Variants in SFXN5 observed in about 807,000 individuals in gnomAD.
The protein encoded by SFXN5 is sideroflexin 5.
In SFXN5, 43 loss-of-function variants were observed where a neutral mutation model predicts 50.2. That is an observed-to-expected ratio of 0.86 (90% CI 0.67 to 1.11). The LOEUF is 1.11. SFXN5 is among the 50% of genes least tolerant of loss of function. The probability of loss-of-function intolerance (pLI) is 0.00; values close to 1 mark genes in which losing one functional copy is unlikely to be tolerated. For missense variants in SFXN5, 463 were observed against 454.1 expected, an observed-to-expected ratio of 1.02 and a Z score of -0.18; for synonymous variants, 203 against 185.8, an observed-to-expected ratio of 1.09 and a Z score of -0.75.
intron 6 of SFXN5, among the ~76,000 whole-genome samples, chr2:73,018,356 G>A (rs918919519): frequency 1.3e-5 from 2 of 152,006 alleles, no homozygotes; most frequent in African/African-American, 2.4e-5. Context: ...AAAGACTAGC[G>A]GGGCATGTCA....
intron 6 of SFXN5, among the ~76,000 whole-genome samples, chr2:73,017,905 T>C (rs1203941419): frequency 2.0e-5 from 3 of 152,128 alleles, no homozygotes; most frequent in African/African-American, 7.2e-5. Flanking sequence ...TCAATTATTC[T>C]AGGATGGGGG....
intron 10 of SFXN5, among the ~76,000 whole-genome samples, chr2:72,981,916 G>A (rs889718926): frequency 9.9e-5 from 15 of 152,028 alleles, no homozygotes; most frequent in East Asian, 1.9e-4. Flanking sequence ...AGAGATTATC[G>A]AATGGGTTTC....
At chr2:73,044,140 C>T (rs899617744) in intron 2 of SFXN5, among the ~76,000 whole-genome samples, 2 of 152,214 alleles carry the variant, frequency 1.3e-5, no homozygotes, top group African/African-American at 4.8e-5. Context: ...GTTCCTATAA[C>T]AACCTGGCCA....
chr2:73,001,650 G>T (rs377739551), intron 6 of SFXN5, 72 bp from the exon 7 acceptor site: 6 of 1,440,628 alleles, frequency 4.2e-6, no homozygotes, highest in Non-Finnish European at 5.8e-6. Flanking sequence ...GAAAAAATAC[G>T]CTACCACAAA....
chr2:73,040,988 T>C (rs1679557937), intron 2 of SFXN5, 57 bp from the exon 3 acceptor site: 1 of 1,529,154 alleles, frequency 6.5e-7, no homozygotes, highest in Non-Finnish European at 8.9e-7. Flanking sequence ...CCCGCAAATT[T>C]TTCTTTTGTG....
chr2:73,048,648 TATCAC>T (rs1189302037), intron 2 of SFXN5, among the ~76,000 whole-genome samples: 1 of 152,250 alleles, frequency 6.6e-6, no homozygotes, highest in Non-Finnish European at 1.5e-5. Flanking sequence ...CTACTACCAG[TATCAC>T]ATCACATCAG....
intron 10 of SFXN5, among the ~76,000 whole-genome samples, chr2:72,978,285 C>CTTT (rs1190004946): frequency 1.4e-5 from 2 of 139,894 alleles, no homozygotes; most frequent in Non-Finnish European, 3.1e-5. Flanking sequence ...CTTTTTCTTT[C>CTTT]TTTTTTTTTT....
chr2:72,997,361 G>A (rs1353204521), intron 9 of SFXN5: 1 of 152,134 alleles, frequency 6.6e-6, no homozygotes, highest in East Asian at 1.9e-4. Flanking sequence ...AATGGCACTG[G>A]AAAGATGAGC....
chr2:73,040,602 C>CTG (rs1679494798), intron 3 of SFXN5, among the ~76,000 whole-genome samples: 1 of 152,250 alleles, frequency 6.6e-6, no homozygotes, highest in South Asian at 2.1e-4. Flanking sequence ...TCTCGCAAGC[C>CTG]AGTGCGGGCC....
chr2:73,051,666 AT>A (rs1329356057), intron 2 of SFXN5, among the ~76,000 whole-genome samples: 1 of 152,178 alleles, frequency 6.6e-6, no homozygotes, highest in African/African-American at 2.4e-5. Context: ...TGTAGTATCA[AT>A]TTCTGTTGTA....
At chr2:73,017,686 C>T (rs1262971855) in intron 6 of SFXN5, among the ~76,000 whole-genome samples, 4 of 152,082 alleles carry the variant, frequency 2.6e-5, no homozygotes, top group Non-Finnish European at 4.4e-5. Context: ...AAATATGAAA[C>T]GGGAGAACAA....
Position 72,961,795 on chromosome 2 carries a change from A to G in SFXN5, c.828-547T>C, listed in dbSNP as rs952309565. On this transcript the variant is annotated intron_variant, in intron 12 of 13. Coordinates refer to ENST00000272433, the MANE Select transcript of SFXN5 (RefSeq NM_144579.3). The surrounding 1 kb of genome is among the most constrained non-coding windows in gnomAD (Gnocchi z 4.4). Reference sequence around the variant, plus strand: ...AAGACACCCCACTGGCCACCTTGTCAATTTCAACCCAAGGGCAACAGAGGG... The same window carrying G: ...AAGACACCCCACTGGCCACCTTGTCGATTTCAACCCAAGGGCAACAGAGGG... Among the ~76,000 whole-genome samples, 1 of 152,160 alleles carries G rather than the reference A, an allele frequency of 6.6e-6. No individual in the cohort carries two copies. Among genetic ancestry groups the G allele is most frequent in the African/African-American group, 2.4e-5 (1 of 41,424 alleles).
At chr2:73,069,059 G>A (rs905325049) in intron 1 of SFXN5, among the ~76,000 whole-genome samples, 3 of 152,092 alleles carry the variant, frequency 2.0e-5, no homozygotes, top group Admixed American at 2.0e-4. Context: ...ATTCAAGGAA[G>A]AAGTAGTCAG....
At chr2:72,988,469 C>T (rs757831292) in intron 9 of SFXN5, 121 bp from the exon 10 acceptor site, 10 of 833,872 alleles carry the variant, frequency 1.2e-5, no homozygotes, top group Non-Finnish European at 1.9e-5. Context: ...CCCACAACTG[C>T]ACCTCACACC....
At chr2:73,044,343 C>A (rs1680027787) in intron 2 of SFXN5, among the ~76,000 whole-genome samples, 2 of 152,212 alleles carry the variant, frequency 1.3e-5, no homozygotes, top group African/African-American at 4.8e-5. Context: ...TACAGGCTGG[C>A]CTTGGACCTT....
At chr2:73,027,952 G>A (rs1374365348) in intron 3 of SFXN5, among the ~76,000 whole-genome samples, 3 of 152,108 alleles carry the variant, frequency 2.0e-5, no homozygotes, top group East Asian at 1.9e-4. Context: ...ATGAGCCACC[G>A]TGCCTGGCCC....
rs73945645 is a variant in SFXN5 at position 72,945,085 on chromosome 2, T to C, written c.960A>G (p.Gln320=). 8.8e-3 allele frequency: 14,251 copies of C among 1,613,778 alleles called. 948 individuals carry two copies. In the African/African-American group the frequency reaches 0.16, roughly 18 times the overall value. ...TGGCCTGGGCTATCTCCGGCTCTAA[T>C]TGGGATGTTTCAATCTGTGGAGAGA... ...FPQMSEIETS[Q]LEPEIAQATS... is the part of the protein sequence containing the mutation. Residue 320 remains glutamine (Q), a synonymous_variant, in exon 14 of 14, where the codon CAA becomes CAG. Transcript: ENST00000272433. The surrounding 1 kb of genome is among the most constrained non-coding windows in gnomAD (Gnocchi z 5.8).
chr2:72,952,860 C>CA (rs1488543853), intron 13 of SFXN5, among the ~76,000 whole-genome samples: 8 of 152,216 alleles, frequency 5.3e-5, no homozygotes, highest in Non-Finnish European at 1.2e-4. Flanking sequence ...GCCCCAGCCC[C>CA]ACTCACTAAG....
intron 9 of SFXN5, among the ~76,000 whole-genome samples, chr2:72,988,620 TACAC>T (rs1223951070): frequency 7.9e-5 from 12 of 151,562 alleles, no homozygotes; most frequent in African/African-American, 2.9e-4. Flanking sequence ...CACACACACA[TACAC>T]ACACATTTAC....
Sources: gnomAD v4.1 joint callset for allele counts (sites outside exome capture counted in the v4.1 genomes callset) on GRCh38, gnomAD v4.1.1 for gene constraint, Gnocchi (gnomAD v3.1) non-coding constraint, MANE v1.5 for transcripts, NCBI Gene and HGNC (gene_info 2026-07-23, HGNC 2026-07-21) for gene names.